Variants in ABCG1 observed in about 807,000 individuals in gnomAD.
The protein encoded by ABCG1 is ATP binding cassette subfamily G member 1.
Under a neutral mutation model 69.2 loss-of-function variants are expected in ABCG1, and 29 were observed. The observed-to-expected ratio is 0.42, with a 90% CI of 0.31 to 0.57. ABCG1 has a LOEUF of 0.57. Ranked by LOEUF, ABCG1 falls within the 20% of genes least tolerant of loss-of-function variation. The pLI, the probability that ABCG1 is intolerant of heterozygous loss-of-function variation, is 0.15. For synonymous variants in ABCG1, 370 were observed against 374.8 expected, an observed-to-expected ratio of 0.99 and a Z score of 0.15; for missense variants, 718 against 898.1, an observed-to-expected ratio of 0.80 and a Z score of 2.56.
chr21:42,207,188 C>A (rs1334131450), intron 2 of ABCG1, among the ~76,000 whole-genome samples: 3 of 152,090 alleles, frequency 2.0e-5, no homozygotes, highest in Non-Finnish European at 4.4e-5. Context: ...TACTTTTTAA[C>A]CCCTCAGCCC....
chr21:42,268,734 T>C (rs2068562446), intron 2 of ABCG1, among the ~76,000 whole-genome samples: 1 of 152,158 alleles, frequency 6.6e-6, no homozygotes, highest in Non-Finnish European at 1.5e-5. Flanking sequence ...GTGTGCACTC[T>C]CTGTTTGGTG....
chr21:42,290,124 G>A lies in ABCG1; in HGVS notation c.1299G>A (p.Gly433=), dbSNP rs150141603. Residue 433 remains glycine (G), a synonymous_variant, in exon 11 of 15, where the codon GGG becomes GGA. Coordinates refer to ENST00000398449, the MANE Select transcript of ABCG1 (RefSeq NM_016818.3). ...TTGGCCTGCTGTACTTGGGGATCGG[G>A]AACGAAGCCAAGAAGGTCTTGAGCA... ...LLIGLLYLGI[G]NEAKKVLSNS... is the part of the protein sequence containing the mutation. 99 of 1,614,192 alleles carry A rather than the reference G, an allele frequency of 6.1e-5. No individual in the cohort carries two copies. Among genetic ancestry groups the A allele is most frequent in the Admixed American group, 2.0e-4 (12 of 60,030 alleles).
intron 2 of ABCG1, among the ~76,000 whole-genome samples, chr21:42,253,526 C>G (rs1474754066): frequency 6.6e-6 from 1 of 152,172 alleles, no homozygotes; most frequent in Non-Finnish European, 1.5e-5. Flanking sequence ...GAGGCAGTCA[C>G]GATGCCATTG....
At chr21:42,244,387 C>T (rs1313437970) in intron 2 of ABCG1, among the ~76,000 whole-genome samples, 1 of 152,164 alleles carries the variant, frequency 6.6e-6, no homozygotes, top group Non-Finnish European at 1.5e-5. Flanking sequence ...AGAAGAAGGT[C>T]GGCCATTTCC....
At chr21:42,290,000 C>G (rs1376856833) in intron 10 of ABCG1, 50 bp from the exon 11 acceptor site, 1 of 1,612,282 alleles carries the variant, frequency 6.2e-7, no homozygotes, top group Non-Finnish European at 8.5e-7. Flanking sequence ...GTTCTCTGAG[C>G]CGAGGACGGC....
chr21:42,235,522 T>C (rs117616203), intron 2 of ABCG1, among the ~76,000 whole-genome samples: 2,513 of 152,252 alleles, frequency 0.017, 38 homozygotes, highest in Non-Finnish European at 0.028. Flanking sequence ...TTTCATACTT[T>C]TAGGGAGACG....
chr21:42,245,155 C>A (rs891694687), intron 2 of ABCG1, among the ~76,000 whole-genome samples: 1 of 152,186 alleles, frequency 6.6e-6, no homozygotes, highest in Non-Finnish European at 1.5e-5. Flanking sequence ...TGAATCTAGA[C>A]ACCCCACACT....
Position 42,266,011 on chromosome 21 carries a change from G to A in ABCG1, c.287-5059G>A, listed in dbSNP as rs949508413. Among the ~76,000 whole-genome samples, 6 of 152,298 alleles carry A rather than the reference G, an allele frequency of 3.9e-5. No individual in the cohort carries two copies. The Middle Eastern group carries it at 0.01, about 259-fold the overall frequency. On this transcript the variant is annotated intron_variant, in intron 2 of 14. Transcript: ENST00000398449. The stretch of plus-strand genomic sequence containing the variant: ...TGCTTTGACAGTGGACTTGTGAATT[G>A]CAATATGAAGCTGGGTGTGGTGGCT...
At chr21:42,229,509 G>T (rs2067869623) in intron 2 of ABCG1, among the ~76,000 whole-genome samples, 1 of 152,076 alleles carries the variant, frequency 6.6e-6, no homozygotes, top group African/African-American at 2.4e-5. Context: ...CACGAGGTCA[G>T]GAGTTCGAGA....
intron 14 of ABCG1, 50 bp downstream of exon 14, chr21:42,294,710 A>G (rs1266991313): frequency 1.3e-6 from 2 of 1,530,144 alleles, no homozygotes; most frequent in South Asian, 1.1e-5. Flanking sequence ...TGACGGGGGA[A>G]GAACCGTCTC....
Position 42,242,319 on chromosome 21 carries a change from C to T in ABCG1, c.286+16405C>T, listed in dbSNP as rs1049514739. 1.4e-4 allele frequency among the ~76,000 whole-genome samples: 22 copies of T among 152,366 alleles called. 1 individual carries two copies. Among genetic ancestry groups the T allele is most frequent in the Middle Eastern group, 3.4e-3 (1 of 294 alleles). On this transcript the variant is annotated intron_variant, in intron 2 of 14. Coordinates refer to ENST00000398449, the MANE Select transcript of ABCG1 (RefSeq NM_016818.3). ...AGGAGTCCAAGGCCAGCCTCAGCAA[C>T]ATAGCGAGACGCTGTCTCTACAGAA...
In ABCG1 at chr21:42,287,929, T is replaced by C; in HGVS notation, c.1014T>C (p.Ser338=). The change falls in exon 9 of 15, where the codon AGT becomes AGC. Residue 338 remains serine, a synonymous_variant. Coordinates refer to ENST00000398449, the MANE Select transcript of ABCG1 (RefSeq NM_016818.3). The surrounding 1 kb of genome is among the most constrained non-coding windows in gnomAD (Gnocchi z 6.2). ...VASGEYGDQN[S]RLVRAVREGM... ...CCGGCGAGTACGGTGATCAGAACAG[T>C]CGGCTGGTGAGAGCGGTTCGGGAGG... 2 of 1,611,408 alleles carry C rather than the reference T, an allele frequency of 1.2e-6. No homozygotes were observed. The highest frequency in any genetic ancestry group is 1.7e-6 in the Non-Finnish European group (2 of 1,178,286).
At chr21:42,294,396 C>A in intron 13 of ABCG1, 146 bp from the exon 14 acceptor site, 1 of 699,288 alleles carries the variant, frequency 1.4e-6, no homozygotes, top group Middle Eastern at 4.2e-4. Context: ...GGGAACGCTG[C>A]ACCTTCTGCC....
intron 2 of ABCG1, among the ~76,000 whole-genome samples, chr21:42,208,757 A>G (rs981250385): frequency 1.3e-5 from 2 of 152,146 alleles, no homozygotes; most frequent in African/African-American, 4.8e-5. Context: ...TCCCTGCTCT[A>G]GCAATTTTCC....
chr21:42,236,043 G>C (rs1475773824), intron 2 of ABCG1, among the ~76,000 whole-genome samples: 2 of 152,154 alleles, frequency 1.3e-5, no homozygotes, highest in Non-Finnish European at 2.9e-5. Flanking sequence ...GACAGTGTGG[G>C]GTGAAGCTGT....
chr21:42,258,821 A>T (rs573101085), intron 2 of ABCG1, among the ~76,000 whole-genome samples: 1 of 152,330 alleles, frequency 6.6e-6, no homozygotes, highest in Non-Finnish European at 1.5e-5. Flanking sequence ...TGGTGCCCCC[A>T]GCAGCAGCTT....
intron 2 of ABCG1, among the ~76,000 whole-genome samples, chr21:42,250,122 G>A (rs749112748): frequency 2.0e-4 from 30 of 152,000 alleles, no homozygotes; most frequent in Non-Finnish European, 3.5e-4. Flanking sequence ...GGGAGGGGGC[G>A]TTTAAAGGAT....
chr21:42,241,074 G>A (rs535469216), intron 2 of ABCG1, among the ~76,000 whole-genome samples: 59 of 152,396 alleles, frequency 3.9e-4, no homozygotes, highest in Non-Finnish European at 3.7e-4. Context: ...AACAGTCCTG[G>A]TGAATAGCAT....
chr21:42,221,281 T>A (rs1641771878), intron 1 of ABCG1: 1 of 152,150 alleles, frequency 6.6e-6, no homozygotes, highest in Non-Finnish European at 1.5e-5. Flanking sequence ...CTGGGGGCTG[T>A]AGGGTTAAAA....
Sources: allele counts gnomAD v4.1 joint callset (sites outside exome capture counted in the v4.1 genomes callset), GRCh38; gene constraint gnomAD v4.1.1; non-coding constraint Gnocchi (gnomAD v3.1); transcripts MANE v1.5; gene names NCBI Gene and HGNC (gene_info 2026-07-23, HGNC 2026-07-21).